Variants in CDC73 observed in about 807,000 individuals in gnomAD.
CDC73 encodes cell division cycle 73, also known as parafibromin.
CDC73 carries 21 observed loss-of-function variants against 83.7 expected under a neutral mutation model. That is an observed-to-expected ratio of 0.25 (90% CI 0.18 to 0.36). The LOEUF (loss-of-function observed/expected upper bound fraction) is 0.36, where lower values mean the gene tolerates loss of function less well. CDC73 is among the 10% of genes least tolerant of loss of function. CDC73 has a pLI of 1.00. For synonymous variants in CDC73, 224 were observed against 212.9 expected (o/e 1.05, Z -0.45); for missense variants, 342 against 653.3 (o/e 0.52, Z 5.19).
In CDC73 at chr1:193,135,441, C is replaced by T. The variant is rs1572150469; in HGVS notation, c.358C>T (p.Arg120Ter). 1 of 1,613,128 alleles carries T rather than the reference C, an allele frequency of 6.2e-7. No homozygotes were observed. The change falls in exon 4 of 17, where the codon CGA (arginine) becomes TGA (stop). Residue 120 changes from arginine to a stop codon, truncating the protein, a stop_gained. Transcript: ENST00000367435. LOFTEE classifies it high-confidence loss of function. ...CGCTCCCTTAGAAATAGGTCTTCAG[C>T]GATCTACTCAAGGTATGTCTTGTTG... is the stretch of plus-strand genomic sequence containing the variant. The part of the protein sequence containing the change: ...RSAPLEIGLQ[R>*]STQVKRAADE...
intron 10 of CDC73, among the ~76,000 whole-genome samples, chr1:193,182,026 G>A (rs1052230909): frequency 2.0e-5 from 3 of 152,034 alleles, no homozygotes; most frequent in African/African-American, 4.8e-5. Flanking sequence ...GTGTAAAAAC[G>A]CCTTAAGAGC....
At chr1:193,195,824 T>C (rs1676993857) in intron 10 of CDC73, among the ~76,000 whole-genome samples, 1 of 152,200 alleles carries the variant, frequency 6.6e-6, no homozygotes, top group South Asian at 2.1e-4. Flanking sequence ...CCTATTCAAA[T>C]CCTTTGCCCA....
chr1:193,138,935 G>A (rs529381467), intron 6 of CDC73, among the ~76,000 whole-genome samples: 7 of 148,336 alleles, frequency 4.7e-5, no homozygotes, highest in African/African-American at 7.4e-5. Flanking sequence ...CCACCACGCC[G>A]GGCTAATTTT....
chr1:193,148,571 C>G (rs1423373282), intron 8 of CDC73, among the ~76,000 whole-genome samples: 1 of 148,860 alleles, frequency 6.7e-6, no homozygotes, highest in Non-Finnish European at 1.5e-5. Flanking sequence ...AGGAATAAAA[C>G]ATACAAATGA....
chr1:193,221,019 G>A lies in CDC73; in HGVS notation c.1154+8542G>A, dbSNP rs1025853211. On this transcript the variant is annotated intron_variant, in intron 13 of 16. Transcript: ENST00000367435. ...TGTATTTTTTGGTGATAGTTTCTGT[G>A]TCTTGCAGTCTGTCTGTAGTCTTTC... Among the ~76,000 whole-genome samples the A allele has an allele frequency of 9.2e-5, 14 of 152,082 alleles. 1 individual carries two copies. Among genetic ancestry groups the A allele is most frequent in the South Asian group, 8.3e-4 (4 of 4,828 alleles).
chr1:193,228,176 T>G (rs1677596288), intron 13 of CDC73, among the ~76,000 whole-genome samples: 1 of 152,210 alleles, frequency 6.6e-6, no homozygotes. Flanking sequence ...AATTGTAATA[T>G]GTCATATAAT....
chr1:193,222,896 T>C (rs79483531), intron 13 of CDC73, among the ~76,000 whole-genome samples: 3,534 of 152,100 alleles, frequency 0.023, 135 homozygotes, highest in African/African-American at 0.082. Flanking sequence ...TCTGTCTCAT[T>C]TTCTCTGTTG....
intron 15 of CDC73, among the ~76,000 whole-genome samples, chr1:193,242,405 T>C (rs189367778): frequency 5.3e-5 from 8 of 152,220 alleles, no homozygotes; most frequent in Admixed American, 1.3e-4. Flanking sequence ...CTCACCCTTA[T>C]CTCACTGGTG....
At chr1:193,126,385 A>G (rs10754044) in intron 2 of CDC73, among the ~76,000 whole-genome samples, 110,173 of 152,048 alleles carry the variant, frequency 0.72, 40,197 homozygotes, top group South Asian at 0.82. Context: ...GAAAAGAACT[A>G]ATTTCATAAA....
intron 15 of CDC73, among the ~76,000 whole-genome samples, chr1:193,239,321 C>T (rs1247869981): frequency 6.6e-6 from 1 of 152,040 alleles, no homozygotes; most frequent in Non-Finnish European, 1.5e-5. Context: ...ACTCTTCTGG[C>T]TTCCAGTTGT....
At chr1:193,131,989 A>G (rs1407379245) in intron 3 of CDC73, among the ~76,000 whole-genome samples, 1 of 152,228 alleles carries the variant, frequency 6.6e-6, no homozygotes, top group Non-Finnish European at 1.5e-5. Flanking sequence ...CTAAGGGGAC[A>G]GACAGTTGTT....
At chr1:193,144,740 C>G (rs1675965594) in intron 7 of CDC73, among the ~76,000 whole-genome samples, 1 of 151,592 alleles carries the variant, frequency 6.6e-6, no homozygotes, top group African/African-American at 2.4e-5. Context: ...AGACTTGTGC[C>G]GTTGTGTGAA....
At chr1:193,203,884 T>G in intron 11 of CDC73, 32 bp downstream of exon 11, 1 of 1,589,448 alleles carries the variant, frequency 6.3e-7, no homozygotes, top group Non-Finnish European at 8.6e-7. Context: ...TTTTGTTTTC[T>G]TTCAAAAGAT....
intron 15 of CDC73, among the ~76,000 whole-genome samples, chr1:193,243,101 A>G (rs1296475653): frequency 6.6e-6 from 1 of 151,934 alleles, no homozygotes; most frequent in Non-Finnish European, 1.5e-5. Context: ...GCACGCCACC[A>G]TGCCTGGCTA....
chr1:193,193,393 T>G (rs993902971), intron 10 of CDC73, among the ~76,000 whole-genome samples: 1 of 152,220 alleles, frequency 6.6e-6, no homozygotes. Flanking sequence ...CTTTCATATA[T>G]AAACTCTTAA....
intron 10 of CDC73, among the ~76,000 whole-genome samples, chr1:193,182,483 T>C (rs1299710521): frequency 6.6e-6 from 1 of 152,172 alleles, no homozygotes; most frequent in Non-Finnish European, 1.5e-5. Context: ...CATGTTAGAA[T>C]TAAAAGAGCT....
At chr1:193,138,475 T>C (rs573752599) in intron 6 of CDC73, among the ~76,000 whole-genome samples, 3 of 152,226 alleles carry the variant, frequency 2.0e-5, no homozygotes, top group Non-Finnish European at 4.4e-5. Flanking sequence ...TCAGCAAGCT[T>C]TTTCTGGAAA....
intron 10 of CDC73, among the ~76,000 whole-genome samples, chr1:193,182,204 G>T (rs1676728503): frequency 6.6e-6 from 1 of 152,082 alleles, no homozygotes; most frequent in Non-Finnish European, 1.5e-5. Context: ...TGCTTGGCAT[G>T]TTTCCATTGG....
chr1:193,232,975 A>G lies in CDC73; in HGVS notation c.1155-18A>G, dbSNP rs570158564. The G allele has an allele frequency of 5.0e-6, 8 of 1,608,240 alleles. No homozygotes were observed. The African/African-American group carries it at 5.3e-5, about 11-fold the overall frequency. ...ACGTGGAATACATTGACTTTTTCTC[A>G]TCTCTGTTTTTTCAAAGATTTGTCC... On this transcript the variant is annotated intron_variant, in intron 13 of 16. Transcript: ENST00000367435.
Sources: allele counts gnomAD v4.1 joint callset (sites outside exome capture counted in the v4.1 genomes callset), GRCh38; gene constraint gnomAD v4.1.1; transcripts MANE v1.5; gene names NCBI Gene and HGNC (gene_info 2026-07-23, HGNC 2026-07-21).